PSIP1: variants seen among roughly 807,000 people sequenced by gnomAD.
PSIP1 encodes the protein PC4 and SFRS1-interacting protein.
In PSIP1, 19 loss-of-function variants were observed where a neutral mutation model predicts 74.7. The ratio of observed to expected loss-of-function variants is 0.25; its 90% confidence interval spans 0.18 to 0.37. The LOEUF (loss-of-function observed/expected upper bound fraction) is 0.37. Among genes scored for constraint, PSIP1 ranks in the 10% least tolerant of loss-of-function variants. The pLI is 1.00. For synonymous variants in PSIP1, 222 were observed against 195.3 expected (o/e 1.14, Z -1.14); for missense variants, 601 against 614.3 (o/e 0.98, Z 0.23).
At chr9:15,465,787 A>C in intron 15 of PSIP1, 1 of 497,156 alleles carries the variant, frequency 2.0e-6, no homozygotes, top group Non-Finnish European at 3.5e-6. Flanking sequence ...TCTTCTTCCC[A>C]AAGTAATATG....
intron 2 of PSIP1, among the ~76,000 whole-genome samples, chr9:15,508,096 A>C (rs1459562574): frequency 6.6e-6 from 1 of 152,206 alleles, no homozygotes; most frequent in East Asian, 1.9e-4. Context: ...GGCAAAATTT[A>C]AGTTGATTTT....
At chr9:15,508,692 G>T (rs1206457389) in intron 2 of PSIP1, among the ~76,000 whole-genome samples, 1 of 152,268 alleles carries the variant, frequency 6.6e-6, no homozygotes, top group East Asian at 1.9e-4. Flanking sequence ...CCTTAAACCT[G>T]ATCAGTTTCC....
At position 15,466,821 on chromosome 9, in the gene PSIP1, C is replaced by T. The variant is rs2035656457; in HGVS notation, c.1459G>A (p.Gly487Ser). 1 of 1,613,058 alleles carries T rather than the reference C, an allele frequency of 6.2e-7. No individual in the cohort carries two copies. Residue 487 changes from glycine to serine, a missense_variant, in exon 15 of 16, where the codon GGT becomes AGT. This residue lies in a region of PSIP1 where 538 missense variants were observed against 507.6 expected (regional missense o/e 1.06). Transcript: ENST00000380733. ...TLNGGSDAQD[G>S]NQPQHNGESN... ...TCCCCGTTATGTTGTGGCTGATTAC[C>T]ATCTTGAGCATCAGATCCTCCATTT...
At chr9:15,471,417 T>A (rs2035824724) in intron 10 of PSIP1, 10 of 1,476,096 alleles carry the variant, frequency 6.8e-6, no homozygotes, top group Non-Finnish European at 9.1e-6. Flanking sequence ...CTGAAATACA[T>A]AAAGATAACT....
At chr9:15,472,449 C>A in intron 10 of PSIP1, 183 bp downstream of exon 10, 2 of 1,368,274 alleles carry the variant, frequency 1.5e-6, no homozygotes, top group Non-Finnish European at 1.9e-6. Flanking sequence ...CAATTTCATC[C>A]TCTCAGAAGA....
At chr9:15,481,643 T>A (rs572254153) in intron 6 of PSIP1, among the ~76,000 whole-genome samples, 108 of 152,072 alleles carry the variant, frequency 7.1e-4, no homozygotes, top group African/African-American at 2.2e-3. Flanking sequence ...GACATCCTGC[T>A]ACCACACTCC....
Position 15,471,093 on chromosome 9 carries a change from G to A in PSIP1, c.978-1100C>T, listed in dbSNP as rs1192922412. 9.0e-6 allele frequency: 14 copies of A among 1,548,932 alleles called. 1 individual carries two copies. Among genetic ancestry groups the A allele is most frequent in the Admixed American group, 5.8e-5 (3 of 51,650 alleles). Reference sequence around the variant, plus strand: ...TTCTTCCATCAATGGGGGGAAGGGGGAAATTCAGTCCAATGAGTCTGTATC... The same window carrying A: ...TTCTTCCATCAATGGGGGGAAGGGGAAAATTCAGTCCAATGAGTCTGTATC... On this transcript the variant is annotated intron_variant, in intron 10 of 15. Transcript: ENST00000380733.
At chr9:15,497,740 T>C (rs1298798454) in intron 3 of PSIP1, among the ~76,000 whole-genome samples, 2 of 152,062 alleles carry the variant, frequency 1.3e-5, no homozygotes, top group Admixed American at 6.6e-5. Context: ...GAATACATGG[T>C]TTCTTTTTGG....
intron 3 of PSIP1, among the ~76,000 whole-genome samples, chr9:15,492,613 C>T (rs576541810): frequency 4.6e-5 from 7 of 152,144 alleles, no homozygotes; most frequent in Admixed American, 1.3e-4. Context: ...TGCCCCAGTG[C>T]GGACTCGGTG....
chr9:15,474,342 T>A, intron 8 of PSIP1, 105 bp from the exon 9 acceptor site: 1 of 962,828 alleles, frequency 1.0e-6, no homozygotes, highest in Non-Finnish European at 1.5e-6. Context: ...TAAAACAAAG[T>A]AAAAAGAGTG....
intron 3 of PSIP1, among the ~76,000 whole-genome samples, chr9:15,491,043 TA>T (rs1005586781): frequency 1.3e-5 from 2 of 152,222 alleles, no homozygotes; most frequent in African/African-American, 4.8e-5. Flanking sequence ...TAGGTTCCTG[TA>T]ATCACAAGGT....
At chr9:15,473,279 G>A (rs1331486421) in intron 9 of PSIP1, among the ~76,000 whole-genome samples, 1 of 152,080 alleles carries the variant, frequency 6.6e-6, no homozygotes, top group African/African-American at 2.4e-5. Context: ...TGTACAATAG[G>A]CCTGAAGGGT....
At position 15,500,880 on chromosome 9, in the gene PSIP1, C is replaced by G. The variant is rs536013648; in HGVS notation, c.149+5681G>C. 3.1e-3 allele frequency among the ~76,000 whole-genome samples: 466 copies of G among 152,272 alleles called. 1 individual carries two copies. Among genetic ancestry groups the G allele is most frequent in the Non-Finnish European group, 4.9e-3 (332 of 68,014 alleles). ...CTGAATTAGCAAAGGTAATTAGTCA[C>G]CAAAACTCAAACTGAGCTTCATTTC... On this transcript the variant is annotated intron_variant, in intron 3 of 15. Coordinates refer to ENST00000380733, the MANE Select transcript of PSIP1 (RefSeq NM_033222.5).
intron 3 of PSIP1, chr9:15,505,451 C>T (rs2037542442): frequency 1.3e-5 from 2 of 152,124 alleles, no homozygotes; most frequent in South Asian, 4.1e-4. Flanking sequence ...ATATAGAATA[C>T]ACTTGAACCT....
chr9:15,477,633 T>C (rs1374850284), intron 8 of PSIP1, among the ~76,000 whole-genome samples: 3 of 151,952 alleles, frequency 2.0e-5, no homozygotes, highest in Non-Finnish European at 4.4e-5. Flanking sequence ...ATATACTCTC[T>C]ATTCCTTCTG....
At chr9:15,482,514 A>G (rs2036378670) in intron 6 of PSIP1, among the ~76,000 whole-genome samples, 1 of 152,210 alleles carries the variant, frequency 6.6e-6, no homozygotes, top group Admixed American at 6.5e-5. Flanking sequence ...TAGTGTCCCA[A>G]GAAATTTTCA....
chr9:15,472,087 T>TA (rs1487259935), intron 10 of PSIP1: 1 of 981,584 alleles, frequency 1.0e-6, no homozygotes, highest in African/African-American at 1.8e-5. Context: ...CCTGTCTCTA[T>TA]AAGTATCAAA....
At chr9:15,484,813 C>T (rs199584218) in intron 6 of PSIP1, among the ~76,000 whole-genome samples, 1 of 150,032 alleles carries the variant, frequency 6.7e-6, no homozygotes, top group Non-Finnish European at 1.5e-5. Flanking sequence ...CTTGGGAGGC[C>T]GAGGCAAGAG....
Position 15,510,892 on chromosome 9 carries a change from C to A in PSIP1, c.-217G>T. The A allele has an allele frequency of 6.6e-6, 1 of 152,562 alleles. No homozygotes were observed. The highest frequency in any genetic ancestry group is 2.0e-4 in the South Asian group (1 of 5,038). The allele number at this position is 152,562 out of a possible 1,614,324, so 9.5% of individuals were successfully genotyped here. A position where few individuals can be genotyped will look rare whatever the true frequency, so the allele number is the denominator to read the frequency against. On this transcript the variant is annotated 5_prime_UTR_variant, in exon 1 of 16. Transcript: ENST00000380733. ...CCCGCGTCCACGCAAGCCACCTGCG[C>A]CACCAGCTGCCGCAGAGGCGTCTCA... is the stretch of plus-strand genomic sequence containing the variant.
Sources: gnomAD v4.1 joint callset for allele counts (sites outside exome capture counted in the v4.1 genomes callset) on GRCh38, gnomAD v4.1.1 for gene constraint, gnomAD v4.1.1 regional missense constraint, MANE v1.5 for transcripts, NCBI Gene and HGNC (gene_info 2026-07-23, HGNC 2026-07-21) for gene names.